The following ZNF407 variants were observed in gnomAD, a reference collection of about 807,000 sequenced individuals.
ZNF407 encodes zinc finger protein 407.
Under a neutral mutation model 131.2 loss-of-function variants are expected in ZNF407, and 17 were observed. That is an observed-to-expected ratio of 0.13 (90% CI 0.09 to 0.19). The LOEUF is 0.19. Ranked by LOEUF, ZNF407 falls within the 10% of genes least tolerant of loss-of-function variation. The probability of loss-of-function intolerance (pLI) is 1.00; values close to 1 mark genes in which losing one functional copy is unlikely to be tolerated. For missense variants in ZNF407, 2,681 were observed against 2,830.6 expected (o/e 0.95, Z 1.20); for synonymous variants, 1,156 against 1,062.0 (o/e 1.09, Z -1.72).
chr18:74,706,563 A>C (rs1009283952), intron 3 of ZNF407, among the ~76,000 whole-genome samples: 1 of 152,186 alleles, frequency 6.6e-6, no homozygotes, highest in Non-Finnish European at 1.5e-5. Flanking sequence ...TCAGCTCTGA[A>C]CAGCACTGAC....
chr18:75,044,835 C>A (rs529996418), intron 8 of ZNF407, among the ~76,000 whole-genome samples: 1 of 152,092 alleles, frequency 6.6e-6, no homozygotes, highest in East Asian at 1.9e-4. Flanking sequence ...TAAAGACCAC[C>A]ATGTACTTAA....
intron 4 of ZNF407, among the ~76,000 whole-genome samples, chr18:74,866,740 T>TATTATTTTATTCATTG (rs1358083637): frequency 1.3e-5 from 2 of 150,088 alleles, no homozygotes; most frequent in African/African-American, 4.9e-5. Context: ...TCGGTAGAAA[T>TATTATTTTATTCATTG]ATTATTTTAT....
At chr18:74,739,426 T>C (rs1568191335) in intron 3 of ZNF407, among the ~76,000 whole-genome samples, 2 of 151,866 alleles carry the variant, frequency 1.3e-5, no homozygotes, top group Non-Finnish European at 2.9e-5. Context: ...TGTCAGTAAC[T>C]AAAAAGTAGG....
intron 4 of ZNF407, among the ~76,000 whole-genome samples, chr18:74,869,318 A>G (rs1028068545): frequency 1.3e-5 from 2 of 152,214 alleles, no homozygotes; most frequent in African/African-American, 2.4e-5. Context: ...GTGGCAGTTT[A>G]ATATATGTCT....
chr18:74,768,476 C>A (rs949392501), intron 3 of ZNF407, among the ~76,000 whole-genome samples: 3 of 152,078 alleles, frequency 2.0e-5, no homozygotes, highest in African/African-American at 7.2e-5. Flanking sequence ...TGTTTTATTC[C>A]TTGACAGGAA....
intron 8 of ZNF407, among the ~76,000 whole-genome samples, chr18:75,008,808 A>T (rs750149523): frequency 3.3e-5 from 5 of 152,164 alleles, no homozygotes; most frequent in Admixed American, 6.5e-5. Context: ...GTTCATTTGG[A>T]GATATTTTGC....
intron 4 of ZNF407, among the ~76,000 whole-genome samples, chr18:74,804,997 G>A (rs775585890): frequency 1.3e-5 from 2 of 152,160 alleles, no homozygotes; most frequent in Non-Finnish European, 2.9e-5. Flanking sequence ...GTGACCCGAC[G>A]TGCATTCACC....
intron 8 of ZNF407, among the ~76,000 whole-genome samples, chr18:74,955,610 A>T (rs1429381113): frequency 2.6e-5 from 4 of 152,196 alleles, no homozygotes; most frequent in Non-Finnish European, 5.9e-5. Context: ...CTGGGTAAGG[A>T]GAAATAAAAG....
chr18:74,829,484 A>C (rs1286409425), intron 4 of ZNF407, among the ~76,000 whole-genome samples: 1 of 152,212 alleles, frequency 6.6e-6, no homozygotes, highest in African/African-American at 2.4e-5. Context: ...CTTGAAAAGA[A>C]AGCTGGCAGA....
At chr18:74,921,014 C>A in intron 8 of ZNF407, 1 of 1,025,844 alleles carries the variant, frequency 9.7e-7, no homozygotes, top group Non-Finnish European at 1.2e-6. Context: ...TGACTAATTG[C>A]TAAAATTTTA....
chr18:74,634,078 T>G lies in ZNF407; in HGVS notation c.3059T>G (p.Leu1020Trp), dbSNP rs73971116. 1.0e-3 allele frequency: 1,675 copies of G among 1,614,076 alleles called. 16 individuals carry two copies. The African/African-American group carries it at 0.02, about 19-fold the overall frequency. ...ACAGGCACAGGTGAGAATAAGTGTTTGCACTGTGAGTTTAGTGCTCACTCC... is the reference window on the plus strand; with the variant it reads ...ACAGGCACAGGTGAGAATAAGTGTTGGCACTGTGAGTTTAGTGCTCACTCC... ...DVTGTGENKCLHCEFSAHSSA... is the reference protein window; with the variant it reads ...DVTGTGENKCWHCEFSAHSSA... The change falls in exon 2 of 9, where the codon TTG (leucine) becomes TGG (tryptophan). Residue 1020 changes from leucine to tryptophan, a missense_variant. This residue lies in a region of ZNF407 where 1,789 missense variants were observed against 1,748.7 expected (regional missense o/e 1.02). Transcript: ENST00000299687.
In ZNF407 at chr18:74,868,645, A is replaced by C. The variant is rs137906750; in HGVS notation, c.4878-8552A>C. Reference sequence around the variant, plus strand: ...GGTTGGCTCACTGCTCTTGCATACCACCTGGCTGCCTGGGCCCCAGAGCTT... The same window carrying C: ...GGTTGGCTCACTGCTCTTGCATACCCCCTGGCTGCCTGGGCCCCAGAGCTT... On this transcript the variant is annotated intron_variant, in intron 4 of 8. Coordinates refer to ENST00000299687, the MANE Select transcript of ZNF407 (RefSeq NM_017757.3). Among the ~76,000 whole-genome samples, 378 of 152,214 alleles carry C rather than the reference A, an allele frequency of 2.5e-3. 1 individual carries two copies. The highest frequency in any genetic ancestry group is 4.0e-3 in the Non-Finnish European group (271 of 67,998).
At chr18:75,042,895 C>T (rs191245631) in intron 8 of ZNF407, among the ~76,000 whole-genome samples, 1 of 152,338 alleles carries the variant, frequency 6.6e-6, no homozygotes, top group African/African-American at 2.4e-5. Flanking sequence ...CCTCCTGTCA[C>T]CAAGTCCTGT....
At chr18:74,916,433 G>A (rs561347925) in intron 7 of ZNF407, among the ~76,000 whole-genome samples, 1,130 of 139,948 alleles carry the variant, frequency 8.1e-3, no homozygotes, top group South Asian at 0.016. Context: ...GTGTGTGCAT[G>A]TGTGTGCTGG....
At chr18:74,721,924 T>C (rs911495548) in intron 3 of ZNF407, among the ~76,000 whole-genome samples, 1 of 152,314 alleles carries the variant, frequency 6.6e-6, no homozygotes, top group South Asian at 2.1e-4. Flanking sequence ...GACCGTGTTA[T>C]TCTTCTGACT....
chr18:74,983,404 C>T (rs1972615964), intron 8 of ZNF407, among the ~76,000 whole-genome samples: 1 of 152,114 alleles, frequency 6.6e-6, no homozygotes, highest in East Asian at 1.9e-4. Context: ...TGTAATTTCC[C>T]AAATGAAAAT....
chr18:74,876,991 C>T (rs888277438), intron 4 of ZNF407, among the ~76,000 whole-genome samples: 7 of 152,174 alleles, frequency 4.6e-5, no homozygotes, highest in Non-Finnish European at 7.3e-5. Context: ...TGGGCCCAAC[C>T]GCAAAGCAGA....
At chr18:74,663,104 T>C (rs976350334) in intron 3 of ZNF407, among the ~76,000 whole-genome samples, 2 of 152,222 alleles carry the variant, frequency 1.3e-5, no homozygotes, top group African/African-American at 4.8e-5. Context: ...GCAACCATTG[T>C]AACCTCTAGA....
At chr18:74,705,583 A>G (rs1219325910) in intron 3 of ZNF407, among the ~76,000 whole-genome samples, 1 of 152,200 alleles carries the variant, frequency 6.6e-6, no homozygotes, top group Admixed American at 6.5e-5. Flanking sequence ...AGCTCGCTCT[A>G]TTTTGAATGT....
Sources: gnomAD v4.1 joint callset for allele counts (sites outside exome capture counted in the v4.1 genomes callset) on GRCh38, gnomAD v4.1.1 for gene constraint, gnomAD v4.1.1 regional missense constraint, MANE v1.5 for transcripts, NCBI Gene and HGNC (gene_info 2026-07-23, HGNC 2026-07-21) for gene names.